Variants in CNTN1 observed in about 807,000 individuals in gnomAD.
CNTN1 encodes contactin 1, also known as contactin-1.
Under a neutral mutation model 126.4 loss-of-function variants are expected in CNTN1, and 38 were observed. That is an observed-to-expected ratio of 0.30 (90% CI 0.23 to 0.39). CNTN1 has a LOEUF of 0.39. CNTN1 is among the 10% of genes least tolerant of loss of function. The pLI, the probability that CNTN1 is intolerant of heterozygous loss-of-function variation, is 1.00. For synonymous variants in CNTN1, 413 were observed against 422.6 expected, an observed-to-expected ratio of 0.98 and a Z score of 0.28; for missense variants, 1,009 against 1,248.4, an observed-to-expected ratio of 0.81 and a Z score of 2.89.
chr12:40,900,100 C>T (rs970279245), intron 1 of CNTN1, among the ~76,000 whole-genome samples: 8 of 151,994 alleles, frequency 5.3e-5, no homozygotes, highest in African/African-American at 1.9e-4. Context: ...AATCTTAAGG[C>T]TTTGACAGAT....
At chr12:40,976,508 T>A (rs1947676968) in intron 15 of CNTN1, among the ~76,000 whole-genome samples, 1 of 151,612 alleles carries the variant, frequency 6.6e-6, no homozygotes, top group Admixed American at 6.6e-5. Flanking sequence ...CCTGAAGGAT[T>A]TATTGAGAGC....
At chr12:40,895,024 A>G (rs746879527) in intron 1 of CNTN1, among the ~76,000 whole-genome samples, 1 of 152,198 alleles carries the variant, frequency 6.6e-6, no homozygotes, top group Non-Finnish European at 1.5e-5. Flanking sequence ...GTCTGGCCTC[A>G]AGGTAATTCC....
chr12:40,738,260 C>A (rs1034982636), intron 1 of CNTN1, among the ~76,000 whole-genome samples: 1 of 151,860 alleles, frequency 6.6e-6, no homozygotes, highest in Admixed American at 6.6e-5. Flanking sequence ...TATGGATACA[C>A]CAACTAGTGC....
chr12:40,851,405 A>G (rs972351142), intron 1 of CNTN1, among the ~76,000 whole-genome samples: 3 of 152,216 alleles, frequency 2.0e-5, no homozygotes, highest in African/African-American at 7.2e-5. Flanking sequence ...GCTTTAAATC[A>G]TATTTCACAA....
At chr12:40,792,536 A>C (rs1377107905) in intron 1 of CNTN1, among the ~76,000 whole-genome samples, 1 of 152,086 alleles carries the variant, frequency 6.6e-6, no homozygotes, top group Non-Finnish European at 1.5e-5. Context: ...AATGAAAATT[A>C]TTGTAAACCA....
At chr12:41,002,554 C>CTTTTTTTTTTTTTTTTT (rs200237008) in intron 17 of CNTN1, among the ~76,000 whole-genome samples, 1 of 131,514 alleles carries the variant, frequency 7.6e-6, no homozygotes. Flanking sequence ...TATAGGGTTT[C>CTTTTTTTTTTTTTTTTT]TTTCTTTTTT....
chr12:40,898,298 T>G (rs549180346), intron 1 of CNTN1, among the ~76,000 whole-genome samples: 1 of 152,288 alleles, frequency 6.6e-6, no homozygotes, highest in South Asian at 2.1e-4. Flanking sequence ...CTGGACATGG[T>G]AGATACTTAA....
At chr12:41,032,860 A>G (rs184213580) in intron 23 of CNTN1, among the ~76,000 whole-genome samples, 1 of 152,150 alleles carries the variant, frequency 6.6e-6, no homozygotes, top group African/African-American at 2.4e-5. Context: ...GCCTCAGTTG[A>G]CCTTTGAATC....
chr12:41,071,915 C>A lies in CNTN1; in HGVS notation c.*1880C>A, dbSNP rs879723571. The A allele has an allele frequency of 2.0e-5, 3 of 152,124 alleles. No individual in the cohort carries two copies. The highest frequency in any genetic ancestry group is 2.9e-5 in the Non-Finnish European group (2 of 67,994). The allele number at this position is 152,124 out of a possible 1,614,324, so 9.4% of individuals were successfully genotyped here. A position where few individuals can be genotyped will look rare whatever the true frequency, so the allele number is the denominator to read the frequency against. On this transcript the variant is annotated 3_prime_UTR_variant, in exon 24 of 24. Coordinates refer to ENST00000551295, the MANE Select transcript of CNTN1 (RefSeq NM_001843.4). ...ATTTTTATATAATCAACAACTAAAT[C>A]TTTTGCCAAATGCATGCTTGCCTTT... is the stretch of plus-strand genomic sequence containing the variant.
chr12:40,934,224 A>T (rs1016749039), intron 9 of CNTN1, among the ~76,000 whole-genome samples: 2 of 151,976 alleles, frequency 1.3e-5, no homozygotes, highest in Non-Finnish European at 2.9e-5. Flanking sequence ...GTTATGACTT[A>T]GTTTAAGTCA....
intron 1 of CNTN1, among the ~76,000 whole-genome samples, chr12:40,772,367 C>T (rs1484948193): frequency 6.6e-6 from 1 of 151,908 alleles, no homozygotes; most frequent in African/African-American, 2.4e-5. Context: ...TAATAGATGA[C>T]TTCCATAGTA....
chr12:40,698,158 G>C (rs1184864165), intron 1 of CNTN1, among the ~76,000 whole-genome samples: 1 of 150,354 alleles, frequency 6.7e-6, no homozygotes, highest in Admixed American at 6.6e-5. Flanking sequence ...GGTGTTAAGA[G>C]TTATGCAGAG....
At chr12:40,977,483 C>T (rs2137059674) in intron 15 of CNTN1, among the ~76,000 whole-genome samples, 1 of 152,104 alleles carries the variant, frequency 6.6e-6, no homozygotes, top group East Asian at 1.9e-4. Context: ...GAAAAGGGTT[C>T]CTTTCAGATG....
At chr12:40,755,799 G>A (rs1333853996) in intron 1 of CNTN1, among the ~76,000 whole-genome samples, 1 of 151,974 alleles carries the variant, frequency 6.6e-6, no homozygotes, top group South Asian at 2.1e-4. Context: ...TTTTGATCTT[G>A]TAGAATACAG....
chr12:40,947,780 TATACACACACACACACAC>T (rs1363928727), intron 14 of CNTN1, among the ~76,000 whole-genome samples: 5 of 67,584 alleles, frequency 7.4e-5, no homozygotes, highest in Non-Finnish European at 1.4e-4. Context: ...TATATATATA[TATACACACACACACACAC>T]ACACACACAC....
chr12:40,901,440 A>G (rs757834243), intron 1 of CNTN1, among the ~76,000 whole-genome samples: 3 of 152,196 alleles, frequency 2.0e-5, no homozygotes, highest in Non-Finnish European at 4.4e-5. Flanking sequence ...AAGGATTTCT[A>G]TGGAAATAGC....
chr12:40,843,648 A>G (rs1160777125), intron 1 of CNTN1, among the ~76,000 whole-genome samples: 1 of 152,216 alleles, frequency 6.6e-6, no homozygotes, highest in Non-Finnish European at 1.5e-5. Flanking sequence ...CAAAACTAGC[A>G]AATGCATCCC....
chr12:41,008,640 T>G (rs1948566351), intron 17 of CNTN1, among the ~76,000 whole-genome samples: 1 of 152,164 alleles, frequency 6.6e-6, no homozygotes, highest in Non-Finnish European at 1.5e-5. Context: ...CTAAACATCC[T>G]TCTTTTTAAA....
intron 1 of CNTN1, among the ~76,000 whole-genome samples, chr12:40,895,003 G>A (rs949616680): frequency 6.6e-6 from 1 of 152,114 alleles, no homozygotes; most frequent in African/African-American, 2.4e-5. Flanking sequence ...CCATATAAAA[G>A]GGTTTTGAAA....
Sources: gnomAD v4.1 joint callset for allele counts (sites outside exome capture counted in the v4.1 genomes callset) on GRCh38, gnomAD v4.1.1 for gene constraint, MANE v1.5 for transcripts, NCBI Gene and HGNC (gene_info 2026-07-23, HGNC 2026-07-21) for gene names.